The following PLAUR variants were observed in gnomAD, a reference collection of about 807,000 sequenced individuals.
PLAUR encodes the protein urokinase plasminogen activator surface receptor.
A neutral mutation model predicts 33.4 loss-of-function variants in PLAUR; 22 were observed. That is an observed-to-expected ratio of 0.66 (90% confidence interval 0.47 to 0.94). The LOEUF (loss-of-function observed/expected upper bound fraction) is 0.94, where lower values mean the gene tolerates loss of function less well. Among genes scored for constraint, PLAUR ranks in the 40% least tolerant of loss-of-function variants. PLAUR has a pLI of 0.00. For missense variants in PLAUR, 408 were observed against 434.7 expected (o/e 0.94, Z 0.55); for synonymous variants, 148 against 167.3 (o/e 0.88, Z 0.89).
downstream of PLAUR, chr19:43,646,364 G>A: frequency 1.5e-6 from 1 of 673,028 alleles, no homozygotes; most frequent in Non-Finnish European, 2.7e-6. Context: ...CACATCTGCT[G>A]GGGCTACATG....
chr19:43,651,850 T>C, intron 6 of PLAUR: 1 of 1,021,322 alleles, frequency 9.8e-7, no homozygotes, highest in Admixed American at 5.1e-5. Context: ...CTTCAGCAAA[T>C]CCCCACAACC....
chr19:43,652,462 G>T, intron 5 of PLAUR, 91 bp from the exon 6 acceptor site: 2 of 1,263,658 alleles, frequency 1.6e-6, no homozygotes, highest in Non-Finnish European at 2.2e-6. Flanking sequence ...TCCACTCCGA[G>T]CCAGAGATGT....
At chr19:43,667,930 G>C (rs1186976949) in intron 1 of PLAUR, 2 of 1,368,976 alleles carry the variant, frequency 1.5e-6, no homozygotes, top group Non-Finnish European at 1.9e-6. Flanking sequence ...CCAAAGTCCT[G>C]CCTTGGCCCG....
At chr19:43,651,464 T>C (rs1348377171) in intron 6 of PLAUR, among the ~76,000 whole-genome samples, 1 of 148,690 alleles carries the variant, frequency 6.7e-6, no homozygotes, top group Non-Finnish European at 1.5e-5. Flanking sequence ...AGACAAAGTC[T>C]CCCTCTGTCA....
intron 3 of PLAUR, among the ~76,000 whole-genome samples, chr19:43,662,036 T>C (rs1967020471): frequency 6.6e-6 from 1 of 152,052 alleles, no homozygotes; most frequent in Non-Finnish European, 1.5e-5. Context: ...CTAGCCTGAA[T>C]AGCTCTTAAA....
intron 6 of PLAUR, among the ~76,000 whole-genome samples, chr19:43,650,848 C>T (rs1973963826): frequency 6.6e-6 from 1 of 151,626 alleles, no homozygotes; most frequent in Non-Finnish European, 1.5e-5. Context: ...TCCTGGCCAA[C>T]ATGGTGAAAC....
At position 43,665,524 on chromosome 19, in the gene PLAUR, T is replaced by C. The variant is rs1365632402; in HGVS notation, c.167-65A>G. The C allele has an allele frequency of 8.7e-5, 135 of 1,557,094 alleles. 2 individuals are homozygous for C. In the South Asian group the frequency reaches 1.3e-3, roughly 15 times the overall value. Reference sequence around the variant, plus strand: ...CAGCTCAACCAGCCTCTGACACTCCTGGTCTCAAGGTCATCCACTCCCAGG... The same window carrying C: ...CAGCTCAACCAGCCTCTGACACTCCCGGTCTCAAGGTCATCCACTCCCAGG... On this transcript the variant is annotated intron_variant, in intron 2 of 6. Transcript: ENST00000340093.
At chr19:43,646,489 A>T, downstream of PLAUR, 1 of 718,218 alleles carries the variant, frequency 1.4e-6, no homozygotes, top group Admixed American at 2.0e-5. Flanking sequence ...TCCTCACAGC[A>T]TGGTGGTCTC....
intron 5 of PLAUR, 132 bp downstream of exon 5, chr19:43,655,307 T>G: frequency 1.8e-6 from 1 of 555,706 alleles, no homozygotes; most frequent in East Asian, 3.6e-5. Flanking sequence ...AAAGGCCTGA[T>G]ACTCCCATTT....
At chr19:43,661,796 A>G (rs1967009189) in intron 3 of PLAUR, among the ~76,000 whole-genome samples, 1 of 152,214 alleles carries the variant, frequency 6.6e-6, no homozygotes, top group African/African-American at 2.4e-5. Flanking sequence ...TTGGTCTGAT[A>G]CAAGTGACTC....
chr19:43,655,242 A>G (rs1040520792), intron 5 of PLAUR, among the ~76,000 whole-genome samples, 197 bp downstream of exon 5: 8 of 134,622 alleles, frequency 5.9e-5, no homozygotes, highest in Admixed American at 5.3e-4. Flanking sequence ...ACGCCATTGC[A>G]CTCCAGCCTG....
chr19:43,649,352 C>G (rs1338844140), intron 6 of PLAUR, among the ~76,000 whole-genome samples: 3 of 151,974 alleles, frequency 2.0e-5, no homozygotes, highest in African/African-American at 7.3e-5. Context: ...CCCAGGAGTT[C>G]CAGACCAGCC....
At chr19:43,660,837 A>T (rs1421068062) in intron 3 of PLAUR, 1 of 151,286 alleles carries the variant, frequency 6.6e-6, no homozygotes, top group East Asian at 1.9e-4. Flanking sequence ...AAGGGCCTAA[A>T]CGATGTTTTC....
chr19:43,652,029 T>C (rs1400090540), intron 6 of PLAUR, 196 bp downstream of exon 6: 1 of 1,360,814 alleles, frequency 7.3e-7, no homozygotes, highest in South Asian at 1.7e-5. Context: ...GAATTCCACT[T>C]TTCCATGGCA....
chr19:43,664,093 AC>A (rs1379598973), intron 3 of PLAUR, among the ~76,000 whole-genome samples: 1 of 152,026 alleles, frequency 6.6e-6, no homozygotes, highest in East Asian at 1.9e-4. Flanking sequence ...CACTACTTAG[AC>A]CCAAGTATTG....
intron 6 of PLAUR, among the ~76,000 whole-genome samples, chr19:43,650,321 G>T (rs114325926): frequency 0.12 from 16,651 of 141,378 alleles, 1,046 homozygotes; most frequent in Admixed American, 0.2. Context: ...TTTTTTTTTT[G>T]TTGTTTCTTT....
At chr19:43,669,778 C>T (rs1195323327) in intron 1 of PLAUR, among the ~76,000 whole-genome samples, 2 of 136,526 alleles carry the variant, frequency 1.5e-5, no homozygotes. Flanking sequence ...CGCCACTGCA[C>T]TCCAGCCTGG....
chr19:43,646,340 T>A, downstream of PLAUR: 1 of 627,218 alleles, frequency 1.6e-6, no homozygotes, highest in Non-Finnish European at 2.9e-6. Context: ...AAGTTTCCTG[T>A]TTCTTCTCTA....
At chr19:43,650,145 G>A (rs925883200) in intron 6 of PLAUR, among the ~76,000 whole-genome samples, 7 of 151,550 alleles carry the variant, frequency 4.6e-5, no homozygotes, top group Admixed American at 2.0e-4. Flanking sequence ...CCAAGTAGCT[G>A]GGACTACAGG....
Sources: gnomAD v4.1 joint callset for allele counts (sites outside exome capture counted in the v4.1 genomes callset) on GRCh38, gnomAD v4.1.1 for gene constraint, MANE v1.5 for transcripts, NCBI Gene and HGNC (gene_info 2026-07-23, HGNC 2026-07-21) for gene names.